Variants in IFT81 observed in about 807,000 individuals in gnomAD.
IFT81 encodes the protein intraflagellar transport protein 81 homolog.
IFT81 carries 72 observed loss-of-function variants against 102.6 expected under a neutral mutation model. That is an observed-to-expected ratio of 0.70 (90% CI 0.58 to 0.85). The LOEUF (loss-of-function observed/expected upper bound fraction) is 0.85, where lower values mean the gene tolerates loss of function less well. IFT81 is among the 40% of genes least tolerant of loss of function. IFT81 has a pLI of 0.00. For synonymous variants in IFT81, 237 were observed against 242.7 expected (o/e 0.98, Z 0.22); for missense variants, 723 against 787.3 (o/e 0.92, Z 0.98).
rs1412476210 is a variant in IFT81, at chr12:110,153,053, T to G, written c.1041+6005T>G. On this transcript the variant is annotated intron_variant, in intron 10 of 18. Coordinates refer to ENST00000242591, the MANE Select transcript of IFT81 (RefSeq NM_014055.4). Reference sequence around the variant, plus strand: ...ATTTTTTCTTTTGTTGCCTGTGCTTTTGGTGTCATATCCAATAAATCATCG... The same window carrying G: ...ATTTTTTCTTTTGTTGCCTGTGCTTGTGGTGTCATATCCAATAAATCATCG... 3.9e-5 allele frequency among the ~76,000 whole-genome samples: 6 copies of G among 152,334 alleles called. No individual in the cohort carries two copies. In the East Asian group the frequency reaches 1.2e-3, roughly 29 times the overall value.
At chr12:110,128,888 G>T in intron 3 of IFT81, 62 bp from the exon 4 acceptor site, 1 of 1,246,702 alleles carries the variant, frequency 8.0e-7, no homozygotes, top group Non-Finnish European at 1.1e-6. Flanking sequence ...AGAAAATGCT[G>T]TCTCTCTTCA....
chr12:110,216,417 A>G (rs1048833224), intron 18 of IFT81: 11 of 430,936 alleles, frequency 2.6e-5, no homozygotes, highest in Admixed American at 2.2e-4. Context: ...CAGGCCTTGA[A>G]CTCCCCAGCT....
intron 17 of IFT81, among the ~76,000 whole-genome samples, chr12:110,208,126 T>C (rs1332324061): frequency 6.6e-6 from 1 of 152,206 alleles, no homozygotes; most frequent in African/African-American, 2.4e-5. Context: ...TACATCTGTA[T>C]ATATGTGTGT....
intron 15 of IFT81, 161 bp downstream of exon 15, chr12:110,204,111 C>T: frequency 3.7e-6 from 2 of 539,816 alleles, no homozygotes; most frequent in East Asian, 3.0e-5. Context: ...GCCTGGGCCA[C>T]AGAGCAAGAC....
At chr12:110,197,261 T>C (rs1898044830) in intron 14 of IFT81, among the ~76,000 whole-genome samples, 1 of 142,062 alleles carries the variant, frequency 7.0e-6, no homozygotes, top group African/African-American at 2.5e-5. Flanking sequence ...GATAGATAGA[T>C]AGATAGATAG....
intron 14 of IFT81, among the ~76,000 whole-genome samples, chr12:110,197,244 G>A (rs1221354736): frequency 2.2e-5 from 3 of 134,772 alleles, no homozygotes; most frequent in Non-Finnish European, 1.6e-5. Context: ...AGATAGGTAG[G>A]TAGGTAGATA....
intron 11 of IFT81, chr12:110,168,002 C>T (rs1896531821): frequency 5.9e-6 from 1 of 170,204 alleles, no homozygotes; most frequent in Non-Finnish European, 1.3e-5. Flanking sequence ...CAGGCACGAG[C>T]CACCATGCCC....
intron 18 of IFT81, among the ~76,000 whole-genome samples, chr12:110,216,031 A>G (rs180732364): frequency 6.6e-6 from 1 of 152,324 alleles, no homozygotes; most frequent in East Asian, 1.9e-4. Context: ...GTTTCAGGAT[A>G]AGATAGAATA....
chr12:110,208,214 T>G (rs1868936420), intron 17 of IFT81, among the ~76,000 whole-genome samples: 1 of 152,154 alleles, frequency 6.6e-6, no homozygotes, highest in African/African-American at 2.4e-5. Flanking sequence ...AAAATAAGAT[T>G]AAACTGCTCC....
chr12:110,127,793 A>AAGTT (rs1350155535), intron 2 of IFT81, among the ~76,000 whole-genome samples: 1 of 152,338 alleles, frequency 6.6e-6, no homozygotes, highest in East Asian at 1.9e-4. Context: ...ATTGTATTGC[A>AAGTT]AGTTAGTTCA....
intron 8 of IFT81, among the ~76,000 whole-genome samples, chr12:110,141,447 T>C (rs1894886218): frequency 6.6e-6 from 1 of 152,206 alleles, no homozygotes; most frequent in Non-Finnish European, 1.5e-5. Flanking sequence ...GTTAATAAAA[T>C]TTTACATGTT....
At chr12:110,159,552 T>C (rs1240793475) in intron 10 of IFT81, among the ~76,000 whole-genome samples, 1 of 152,166 alleles carries the variant, frequency 6.6e-6, no homozygotes, top group Non-Finnish European at 1.5e-5. Flanking sequence ...TGCTTTTTAA[T>C]GTCTTAGTCT....
chr12:110,197,651 C>A (rs560722921), intron 14 of IFT81, among the ~76,000 whole-genome samples: 18 of 150,294 alleles, frequency 1.2e-4, no homozygotes, highest in South Asian at 6.3e-4. Flanking sequence ...TAATTTGACA[C>A]CCTCTTCTAC....
At chr12:110,130,273 A>G (rs1894084284) in intron 4 of IFT81, among the ~76,000 whole-genome samples, 1 of 152,166 alleles carries the variant, frequency 6.6e-6, no homozygotes, top group African/African-American at 2.4e-5. Context: ...TGTGGGAAAT[A>G]GAGAAGTGTA....
At position 110,159,625 on chromosome 12, in the gene IFT81, G is replaced by C. The variant is rs185947309; in HGVS notation, c.1042-3294G>C. Among the ~76,000 whole-genome samples, 1,266 of 152,316 alleles carry C rather than the reference G, an allele frequency of 8.3e-3. 14 individuals are homozygous for C. The highest frequency in any genetic ancestry group is 0.013 in the Non-Finnish European group (893 of 68,026). On this transcript the variant is annotated intron_variant, in intron 10 of 18. Coordinates refer to ENST00000242591, the MANE Select transcript of IFT81 (RefSeq NM_014055.4). ...CTAAAGGGACAGAAAAAAGGATCCG[G>C]ACCTATAATTCCTCTAGAAGTCACT... is the stretch of plus-strand genomic sequence containing the variant.
At position 110,218,582 on chromosome 12, in the gene IFT81, A is replaced by T. The variant is rs1222366876; in HGVS notation, c.*356A>T. On this transcript the variant is annotated 3_prime_UTR_variant, in exon 19 of 19. Transcript: ENST00000242591. ...CTTACTGTTTTTCTTAATCTCTTTT[A>T]AAAAAACTTTAGAAGAATCTTTTAG... 2 of 160,048 alleles carry T rather than the reference A, an allele frequency of 1.2e-5. No homozygotes were observed. The highest frequency in any genetic ancestry group is 1.8e-4 in the East Asian group (1 of 5,684). 9.9% of individuals were successfully genotyped at this position (160,048 alleles called of 1,614,324 possible). A position where few individuals can be genotyped will look rare whatever the true frequency, so the allele number is the denominator to read the frequency against.
At chr12:110,130,205 A>G (rs1273639621) in intron 4 of IFT81, among the ~76,000 whole-genome samples, 3 of 152,194 alleles carry the variant, frequency 2.0e-5, no homozygotes, top group South Asian at 2.1e-4. Context: ...AGTAGATGCC[A>G]TGGGAGAAGC....
rs1897845386 is a variant in IFT81 at position 110,192,603 on chromosome 12, TG to T, written c.1468-13del. On this transcript the variant is annotated splice_polypyrimidine_tract_variant and intron_variant, in intron 13 of 18. Transcript: ENST00000242591. The stretch of plus-strand genomic sequence containing the variant: ...ATTCTTTTTTAGGTGTTATATTTTT[TG>T]TTCAAATAACAGGTGAAAAAACTGT... 1 of 1,365,274 alleles carries T rather than the reference TG, an allele frequency of 7.3e-7. No homozygotes were observed. Among genetic ancestry groups the T allele is most frequent in the African/African-American group, 1.5e-5 (1 of 67,496 alleles). The allele number at this position is 1,365,274 out of a possible 1,614,324, so 84.6% of individuals were successfully genotyped here.
At chr12:110,194,579 A>G (rs1342077823) in intron 14 of IFT81, among the ~76,000 whole-genome samples, 2 of 152,144 alleles carry the variant, frequency 1.3e-5, no homozygotes, top group Non-Finnish European at 2.9e-5. Flanking sequence ...CACCCTGTTT[A>G]TATTTTAGAG....
Sources: gnomAD v4.1 joint callset for allele counts (sites outside exome capture counted in the v4.1 genomes callset) on GRCh38, gnomAD v4.1.1 for gene constraint, MANE v1.5 for transcripts, NCBI Gene and HGNC (gene_info 2026-07-23, HGNC 2026-07-21) for gene names.